The following IGDCC3 variants were observed in gnomAD, a reference collection of about 807,000 sequenced individuals.
IGDCC3 encodes putative neuronal cell adhesion molecule.
IGDCC3 carries 47 observed loss-of-function variants against 72.0 expected under a neutral mutation model. The observed-to-expected ratio is 0.65, with a 90% CI of 0.52 to 0.83. The LOEUF is 0.83. IGDCC3 is among the 40% of genes least tolerant of loss of function. The probability of loss-of-function intolerance (pLI) is 0.00; values close to 1 mark genes in which losing one functional copy is unlikely to be tolerated. For missense variants in IGDCC3, 1,038 were observed against 1,091.3 expected, an observed-to-expected ratio of 0.95 and a Z score of 0.69; for synonymous variants, 477 against 472.8, an observed-to-expected ratio of 1.01 and a Z score of -0.11.
Position 65,334,721 on chromosome 15 carries a change from G to A in IGDCC3, c.823+7C>T, listed in dbSNP as rs897965826. 5.1e-6 allele frequency: 8 copies of A among 1,553,584 alleles called. No individual in the cohort carries two copies. The highest frequency in any genetic ancestry group is 7.0e-6 in the Non-Finnish European group (8 of 1,149,584). On this transcript the variant is annotated splice_region_variant and intron_variant, in intron 5 of 13. Coordinates refer to ENST00000327987, the MANE Select transcript of IGDCC3 (RefSeq NM_004884.4). ...GGAGGGGCAGGGGCTGTGGGGATGA[G>A]GCTCACCCAGGCGGCTCCAGGACAC...
In IGDCC3 at chr15:65,331,171, G is replaced by A. The variant is rs368946941; in HGVS notation, c.1440C>T (p.Thr480=). The change falls in exon 9 of 14, where the codon ACC becomes ACT. Residue 480 remains threonine (T), a synonymous_variant. Transcript: ENST00000327987. ...LEYQEAVSKS[T]FQHLVSDLEP... ...CCAGGTCGCTGACCAGGTGCTGAAAGGTGCTCTTGCTGACTGCCTCCTGAT... is the reference window on the plus strand; with the variant it reads ...CCAGGTCGCTGACCAGGTGCTGAAAAGTGCTCTTGCTGACTGCCTCCTGAT... 35 of 1,614,012 alleles carry A rather than the reference G, an allele frequency of 2.2e-5. No homozygotes were observed. Among genetic ancestry groups the A allele is most frequent in the Non-Finnish European group, 2.9e-5 (34 of 1,180,024 alleles).
At chr15:65,330,842 T>A in intron 9 of IGDCC3, 101 bp from the exon 10 acceptor site, 2 of 1,133,600 alleles carry the variant, frequency 1.8e-6, no homozygotes, top group Non-Finnish European at 2.5e-6. Flanking sequence ...GACAGCCCTC[T>A]GGCCTCTGGC....
At chr15:65,332,750 A>C (rs1004744893) in intron 6 of IGDCC3, among the ~76,000 whole-genome samples, 10 of 152,334 alleles carry the variant, frequency 6.6e-5, no homozygotes, top group African/African-American at 2.4e-4. Context: ...GTTAAACCCC[A>C]CAGCCAGAGG....
intron 2 of IGDCC3, among the ~76,000 whole-genome samples, chr15:65,354,240 C>T (rs571249078): frequency 6.6e-6 from 1 of 152,170 alleles, no homozygotes; most frequent in Non-Finnish European, 1.5e-5. Context: ...CTTTGCACTG[C>T]GGACTCGCCC....
At chr15:65,362,873 T>TA (rs1491283349) in intron 2 of IGDCC3, among the ~76,000 whole-genome samples, 26 of 125,332 alleles carry the variant, frequency 2.1e-4, no homozygotes, top group Non-Finnish European at 2.4e-4. Flanking sequence ...TTTTTTTTTT[T>TA]AGACAGAGTC....
rs1187295335 is a variant in IGDCC3, at chr15:65,339,027, T to C, written c.410-3071A>G. On this transcript the variant is annotated intron_variant, in intron 2 of 13. Transcript: ENST00000327987. This position sits in a 1 kb window ranked among gnomAD's most constrained non-coding sequence, Gnocchi z 4.1. ...AGGTGATCCTCCCGCCTCAGCCTCC[T>C]GAGGAGCTGGGACCACAAGCGCGCA... Among the ~76,000 whole-genome samples, 1 of 151,986 alleles carries C rather than the reference T, an allele frequency of 6.6e-6. No individual in the cohort carries two copies. Among genetic ancestry groups the C allele is most frequent in the African/African-American group, 2.4e-5 (1 of 41,360 alleles).
intron 2 of IGDCC3, among the ~76,000 whole-genome samples, chr15:65,357,202 T>C (rs1056278244): frequency 6.6e-6 from 1 of 152,166 alleles, no homozygotes; most frequent in East Asian, 1.9e-4. Context: ...TCTGGAAACA[T>C]GGACTTCCTA....
chr15:65,372,425 T>G (rs2091331739), intron 2 of IGDCC3, among the ~76,000 whole-genome samples: 1 of 152,172 alleles, frequency 6.6e-6, no homozygotes, highest in Non-Finnish European at 1.5e-5. Flanking sequence ...AGGGAAACGC[T>G]TGAAACTGAA....
intron 2 of IGDCC3, among the ~76,000 whole-genome samples, chr15:65,344,358 C>A (rs1012360178): frequency 6.6e-6 from 1 of 152,122 alleles, no homozygotes; most frequent in African/African-American, 2.4e-5. Flanking sequence ...CTGCCTTGGG[C>A]CCCTGAACCC....
chr15:65,353,504 C>A (rs919124895), intron 2 of IGDCC3, among the ~76,000 whole-genome samples: 2 of 152,188 alleles, frequency 1.3e-5, no homozygotes, highest in Non-Finnish European at 2.9e-5. Context: ...CCCGCCTCGG[C>A]CTCCCAAAGT....
intron 2 of IGDCC3, among the ~76,000 whole-genome samples, chr15:65,370,620 G>GTATGTATATATATATATATATATA (rs1555432589): frequency 1.1e-5 from 1 of 94,592 alleles, no homozygotes; most frequent in Admixed American, 1.0e-4. Flanking sequence ...ATATGTATGT[G>GTATGTATATATATATATATATATA]TATATATATA....
chr15:65,331,756 C>T, intron 7 of IGDCC3, 97 bp from the exon 8 acceptor site: 1 of 1,456,026 alleles, frequency 6.9e-7, no homozygotes, highest in Non-Finnish European at 9.1e-7. Flanking sequence ...TTCCAGGAGA[C>T]AAACGACTTG....
intron 2 of IGDCC3, among the ~76,000 whole-genome samples, chr15:65,370,580 A>ATATG (rs10642942): frequency 0.053 from 6,895 of 130,100 alleles, 517 homozygotes; most frequent in East Asian, 0.38. Context: ...GTATGTATAT[A>ATATG]TATGTATGTA....
At chr15:65,333,146 G>C (rs1300441295) in intron 6 of IGDCC3, 111 bp downstream of exon 6, 1 of 1,086,182 alleles carries the variant, frequency 9.2e-7, no homozygotes, top group Non-Finnish European at 1.3e-6. Flanking sequence ...CGAGGGGCAG[G>C]GCGAGTCCAG....
rs1401226231 is a variant in IGDCC3 at position 65,331,129 on chromosome 15, G to A, written c.1482C>T (p.Tyr494=). 1.2e-6 allele frequency: 2 copies of A among 1,614,156 alleles called. No homozygotes were observed. Among genetic ancestry groups the A allele is most frequent in the South Asian group, 2.2e-5 (2 of 91,084 alleles). The change falls in exon 9 of 14, where the codon TAC becomes TAT. Residue 494 remains tyrosine (Y), a synonymous_variant. Transcript: ENST00000327987. ...LVSDLEPSTA[Y]SFYIKAYTPR... The stretch of plus-strand genomic sequence containing the variant: ...GTGTGTAGGCCTTGATGTAGAAACT[G>A]TAGGCTGTGGAGGGCTCCAGGTCGC...
chr15:65,341,342 A>G (rs1160919491), intron 2 of IGDCC3, among the ~76,000 whole-genome samples: 2 of 152,256 alleles, frequency 1.3e-5, no homozygotes, highest in Non-Finnish European at 2.9e-5. Context: ...AATTAAAAAT[A>G]GAATTAGCAT....
In IGDCC3 at chr15:65,339,828, C is replaced by A. The variant is rs1220204594; in HGVS notation, c.410-3872G>T. Among the ~76,000 whole-genome samples, 2 of 152,148 alleles carry A rather than the reference C, an allele frequency of 1.3e-5. No individual in the cohort carries two copies. Among genetic ancestry groups the A allele is most frequent in the Non-Finnish European group, 2.9e-5 (2 of 68,032 alleles). On this transcript the variant is annotated intron_variant, in intron 2 of 13. Coordinates refer to ENST00000327987, the MANE Select transcript of IGDCC3 (RefSeq NM_004884.4). This position sits in a 1 kb window ranked among gnomAD's most constrained non-coding sequence, Gnocchi z 4.1. ...TGGCTCTTGATGCTTTACACTCCTG[C>A]GGATATCTGTTGGTCTGGTAGGGAC...
chr15:65,335,088 G>A (rs2091015142), intron 4 of IGDCC3, among the ~76,000 whole-genome samples: 1 of 152,146 alleles, frequency 6.6e-6, no homozygotes, highest in African/African-American at 2.4e-5. Context: ...GATCAGCATA[G>A]GATGGGATTC....
chr15:65,373,273 T>A (rs1349728665), intron 2 of IGDCC3, among the ~76,000 whole-genome samples: 1 of 151,944 alleles, frequency 6.6e-6, no homozygotes, highest in Non-Finnish European at 1.5e-5. Context: ...GATCTGCAAA[T>A]CTTACCGGGG....
Sources: allele counts gnomAD v4.1 joint callset (sites outside exome capture counted in the v4.1 genomes callset), GRCh38; gene constraint gnomAD v4.1.1; non-coding constraint Gnocchi (gnomAD v3.1); transcripts MANE v1.5; gene names NCBI Gene and HGNC (gene_info 2026-07-23, HGNC 2026-07-21).